DTNB: variants seen among roughly 807,000 people sequenced by gnomAD.
DTNB encodes DTN-B.
Under a neutral mutation model 90.7 loss-of-function variants are expected in DTNB, and 63 were observed. That is an observed-to-expected ratio of 0.69 (90% CI 0.57 to 0.86). DTNB has a LOEUF of 0.86. DTNB is among the 40% of genes least tolerant of loss of function. DTNB has a pLI of 0.00. For synonymous variants in DTNB, 277 were observed against 286.7 expected, an observed-to-expected ratio of 0.97 and a Z score of 0.34; for missense variants, 744 against 807.1, an observed-to-expected ratio of 0.92 and a Z score of 0.95.
At chr2:25,514,777 G>A (rs1000211298) in intron 9 of DTNB, among the ~76,000 whole-genome samples, 29 of 131,250 alleles carry the variant, frequency 2.2e-4, no homozygotes, top group Non-Finnish European at 2.8e-4. Context: ...TCCACCTCCC[G>A]AATTCAAGCG....
chr2:25,382,895 T>C (rs555186440), intron 19 of DTNB, among the ~76,000 whole-genome samples: 6 of 152,188 alleles, frequency 3.9e-5, no homozygotes, highest in Admixed American at 1.3e-4. Context: ...ATGGGTAAAA[T>C]GGGGATATTC....
intron 10 of DTNB, among the ~76,000 whole-genome samples, chr2:25,468,617 G>A (rs182375794): frequency 6.6e-6 from 1 of 152,292 alleles, no homozygotes; most frequent in East Asian, 1.9e-4. Context: ...AATAAGCCAG[G>A]AGTAACAAGT....
chr2:25,455,547 G>A (rs937995404), intron 10 of DTNB, 53 bp from the exon 11 acceptor site: 4 of 1,450,328 alleles, frequency 2.8e-6, no homozygotes, highest in Non-Finnish European at 3.8e-6. Flanking sequence ...CATACAGAGG[G>A]AGAAATGAAC....
chr2:25,642,841 C>T (rs1303294242), intron 2 of DTNB, among the ~76,000 whole-genome samples: 1 of 151,120 alleles, frequency 6.6e-6, no homozygotes, highest in Non-Finnish European at 1.5e-5. Context: ...GCAACTTCTG[C>T]CTCCCAGGTT....
intron 16 of DTNB, among the ~76,000 whole-genome samples, chr2:25,393,570 C>G (rs1391783937): frequency 6.6e-6 from 1 of 152,140 alleles, no homozygotes; most frequent in Non-Finnish European, 1.5e-5. Flanking sequence ...AAATCAGTAG[C>G]TCTGCTATAT....
chr2:25,577,811 A>C (rs1384134821), intron 7 of DTNB, among the ~76,000 whole-genome samples: 1 of 151,972 alleles, frequency 6.6e-6, no homozygotes, highest in African/African-American at 2.4e-5. Context: ...GACCAGCCTG[A>C]CCAACATGGA....
intron 6 of DTNB, among the ~76,000 whole-genome samples, chr2:25,582,199 T>C (rs1442091027): frequency 1.3e-5 from 2 of 152,152 alleles, no homozygotes; most frequent in Admixed American, 6.6e-5. Flanking sequence ...AAAATATATA[T>C]ATTTAACACA....
intron 8 of DTNB, among the ~76,000 whole-genome samples, chr2:25,534,612 C>A (rs1185383225): frequency 6.6e-6 from 1 of 151,382 alleles, no homozygotes; most frequent in Non-Finnish European, 1.5e-5. Flanking sequence ...GCACTCCTCA[C>A]TTCCCAGTCG....
At chr2:25,450,415 C>G (rs972749702) in intron 12 of DTNB, among the ~76,000 whole-genome samples, 3 of 152,094 alleles carry the variant, frequency 2.0e-5, no homozygotes, top group Non-Finnish European at 2.9e-5. Context: ...TTTGTTCATC[C>G]TTTTGCCAGT....
At chr2:25,661,951 T>TG (rs1011634161) in intron 1 of DTNB, among the ~76,000 whole-genome samples, 3 of 152,088 alleles carry the variant, frequency 2.0e-5, no homozygotes, top group Admixed American at 6.6e-5. Context: ...GGTCAGGAGT[T>TG]GGAGACCAGC....
At chr2:25,638,656 A>T (rs184970039) in intron 3 of DTNB, among the ~76,000 whole-genome samples, 1 of 152,376 alleles carries the variant, frequency 6.6e-6, no homozygotes, top group Admixed American at 6.5e-5. Context: ...AAGAAAATCA[A>T]TTCCAATTAT....
chr2:25,394,788 G>A (rs568606558), intron 16 of DTNB, among the ~76,000 whole-genome samples: 1 of 152,332 alleles, frequency 6.6e-6, no homozygotes, highest in East Asian at 1.9e-4. Context: ...TGGTGGGAAT[G>A]TAAACTAGTA....
At chr2:25,646,534 G>C (rs1289425135) in intron 2 of DTNB, among the ~76,000 whole-genome samples, 1 of 151,902 alleles carries the variant, frequency 6.6e-6, no homozygotes, top group Admixed American at 6.6e-5. Context: ...CTACCTGGAG[G>C]CTTCATCTGT....
intron 1 of DTNB, among the ~76,000 whole-genome samples, chr2:25,664,349 G>A (rs1484197138): frequency 6.6e-6 from 1 of 152,054 alleles, no homozygotes; most frequent in Non-Finnish European, 1.5e-5. Flanking sequence ...CATTTTCTTT[G>A]CAGGAATCTT....
At chr2:25,576,771 G>T in intron 8 of DTNB, 67 bp downstream of exon 8, 2 of 1,468,640 alleles carry the variant, frequency 1.4e-6, no homozygotes, top group Non-Finnish European at 1.8e-6. Flanking sequence ...GAGGAAACTG[G>T]CCCAGGTGCT....
intron 12 of DTNB, among the ~76,000 whole-genome samples, chr2:25,450,679 G>A (rs1322669494): frequency 6.6e-6 from 1 of 152,044 alleles, no homozygotes; most frequent in Non-Finnish European, 1.5e-5. Context: ...CCATCAATAT[G>A]GCATACCTCT....
At chr2:25,654,006 C>T in intron 1 of DTNB, among the ~76,000 whole-genome samples, 1 of 152,134 alleles carries the variant, frequency 6.6e-6, no homozygotes, top group East Asian at 1.9e-4. Context: ...CTCATCCTTC[C>T]ACATGTATCA....
At chr2:25,586,402 C>T (rs1258406792) in intron 6 of DTNB, among the ~76,000 whole-genome samples, 3 of 149,142 alleles carry the variant, frequency 2.0e-5, no homozygotes, top group Non-Finnish European at 3.0e-5. Flanking sequence ...CCCAGCTACT[C>T]GGGAGGCTGA....
In DTNB at chr2:25,603,841, A is replaced by G. The variant is rs139047134; in HGVS notation, c.448+3395T>C. ...GAAAGTGAATAAACAATCAAAGATCATTTGCTGTTACAATACAGTGTTACT... is the reference window on the plus strand; with the variant it reads ...GAAAGTGAATAAACAATCAAAGATCGTTTGCTGTTACAATACAGTGTTACT... On this transcript the variant is annotated intron_variant, in intron 5 of 20. Transcript: ENST00000406818. Among the ~76,000 whole-genome samples, 381 of 152,286 alleles carry G rather than the reference A, an allele frequency of 2.5e-3. 1 individual carries two copies. Among genetic ancestry groups the G allele is most frequent in the African/African-American group, 8.7e-3 (361 of 41,562 alleles).
Sources: gnomAD v4.1 joint callset for allele counts (sites outside exome capture counted in the v4.1 genomes callset) on GRCh38, gnomAD v4.1.1 for gene constraint, MANE v1.5 for transcripts, NCBI Gene and HGNC (gene_info 2026-07-23, HGNC 2026-07-21) for gene names.